Variants in CCDC178 observed in about 807,000 individuals in gnomAD.
The protein encoded by CCDC178 is coiled-coil domain containing 178.
Under a neutral mutation model 117.4 loss-of-function variants are expected in CCDC178, and 126 were observed. The observed-to-expected ratio is 1.07, with a 90% CI of 0.93 to 1.24. The LOEUF (loss-of-function observed/expected upper bound fraction) is 1.24, where lower values mean the gene tolerates loss of function less well. CCDC178 is among the 50% of genes most tolerant of loss of function. The pLI is 0.00. For missense variants in CCDC178, 1,030 were observed against 986.9 expected, an observed-to-expected ratio of 1.04 and a Z score of -0.59; for synonymous variants, 283 against 313.4, an observed-to-expected ratio of 0.90 and a Z score of 1.02.
intron 20 of CCDC178, among the ~76,000 whole-genome samples, chr18:33,191,997 C>T (rs1206383722): frequency 2.0e-5 from 3 of 152,046 alleles, no homozygotes; most frequent in African/African-American, 7.2e-5. Flanking sequence ...ATGATAGAAA[C>T]TGATAATGAA....
intron 11 of CCDC178, among the ~76,000 whole-genome samples, chr18:33,297,696 A>C (rs1265429820): frequency 6.6e-6 from 1 of 152,146 alleles, no homozygotes; most frequent in Non-Finnish European, 1.5e-5. Flanking sequence ...TCTTCCCCCC[A>C]AAAAATCCAG....
At chr18:33,092,144 T>G (rs1301679683) in intron 21 of CCDC178, among the ~76,000 whole-genome samples, 1 of 152,184 alleles carries the variant, frequency 6.6e-6, no homozygotes, top group Non-Finnish European at 1.5e-5. Context: ...AAAATATTTT[T>G]TATTGTTACT....
chr18:33,045,759 T>C (rs1398943028), intron 21 of CCDC178, among the ~76,000 whole-genome samples: 1 of 152,152 alleles, frequency 6.6e-6, no homozygotes, highest in African/African-American at 2.4e-5. Flanking sequence ...TTACCAGTTT[T>C]CCAAATAAAA....
At chr18:33,409,445 C>G (rs185470097) in intron 3 of CCDC178, among the ~76,000 whole-genome samples, 1 of 151,982 alleles carries the variant, frequency 6.6e-6, no homozygotes, top group Non-Finnish European at 1.5e-5. Context: ...ACATCATGAA[C>G]GAAAGAACAT....
chr18:32,999,155 C>T lies in CCDC178; in HGVS notation c.2389-24474G>A, dbSNP rs979053509. On this transcript the variant is annotated intron_variant, in intron 21 of 22. Transcript: ENST00000383096. ...CTGGCAGCATTCACCACAAGCTGAA[C>T]AAAGAGCCCTTGGGCCTTGAGTGAA... Among the ~76,000 whole-genome samples, 3 of 152,086 alleles carry T rather than the reference C, an allele frequency of 2.0e-5. 1 individual carries two copies. The highest frequency in any genetic ancestry group is 4.4e-5 in the Non-Finnish European group (3 of 68,010).
rs913513330 is a variant in CCDC178 at position 33,317,456 on chromosome 18, C to A, written c.1022+6035G>T. 9.9e-5 allele frequency among the ~76,000 whole-genome samples: 15 copies of A among 152,238 alleles called. 1 individual carries two copies. In the Middle Eastern group the frequency reaches 0.01, roughly 104 times the overall value. On this transcript the variant is annotated intron_variant, in intron 11 of 22. Transcript: ENST00000383096. ...AACTGTAACACTCACCGCAAGTGTC[C>A]GCGGCTTCATTCTTGAAGTCAGTGA... is the stretch of plus-strand genomic sequence containing the variant.
intron 6 of CCDC178, among the ~76,000 whole-genome samples, chr18:33,365,456 G>T (rs946865905): frequency 6.6e-6 from 1 of 151,990 alleles, no homozygotes; most frequent in African/African-American, 2.4e-5. Flanking sequence ...ATTAGATCTC[G>T]GGAGAAATCA....
intron 21 of CCDC178, among the ~76,000 whole-genome samples, chr18:33,008,943 C>T (rs1407457944): frequency 6.6e-6 from 1 of 152,062 alleles, no homozygotes; most frequent in East Asian, 1.9e-4. Context: ...ATTACATGTT[C>T]AAAACTGATT....
chr18:33,213,268 C>T lies in CCDC178; in HGVS notation c.2079-1213G>A, dbSNP rs761244716. Among the ~76,000 whole-genome samples, 8 of 151,916 alleles carry T rather than the reference C, an allele frequency of 5.3e-5. No homozygotes were observed. The East Asian group carries it at 1.2e-3, about 22-fold the overall frequency. ...TAAGTACTCATTTTTTTCTGCTCTTCGTTATAGCTGTTATCAGCAAATTTG... is the reference window on the plus strand; with the variant it reads ...TAAGTACTCATTTTTTTCTGCTCTTTGTTATAGCTGTTATCAGCAAATTTG... On this transcript the variant is annotated intron_variant, in intron 19 of 22. Transcript: ENST00000383096.
rs192603947 is a variant in CCDC178 at position 32,955,562 on chromosome 18, T to A, written c.2524-17471A>T. Among the ~76,000 whole-genome samples the A allele has an allele frequency of 1.4e-3, 218 of 152,306 alleles. 2 individuals carry two copies. Among genetic ancestry groups the A allele is most frequent in the Admixed American group, 0.014 (207 of 15,290 alleles). On this transcript the variant is annotated intron_variant, in intron 22 of 22. Transcript: ENST00000383096. ...GTTCATCTTTATATCTGTCTGTATCTTTATAAATGCCTACACAGATATTTG... is the reference window on the plus strand; with the variant it reads ...GTTCATCTTTATATCTGTCTGTATCATTATAAATGCCTACACAGATATTTG...
At position 33,055,882 on chromosome 18, in the gene CCDC178, G is replaced by T. The variant is rs201277504; in HGVS notation, c.2388+36879C>A. Among the ~76,000 whole-genome samples the T allele has an allele frequency of 3.3e-5, 5 of 151,084 alleles. No homozygotes were observed. The East Asian group carries it at 9.8e-4, about 29-fold the overall frequency. ...TGCAGTGGCACCATGTTGGCTCCCT[G>T]CAACCTCCACCTCTGGGTTCAAGTG... On this transcript the variant is annotated intron_variant, in intron 21 of 22. Coordinates refer to ENST00000383096, the MANE Select transcript of CCDC178 (RefSeq NM_001105528.4).
chr18:33,027,089 C>T (rs564079207), intron 21 of CCDC178, among the ~76,000 whole-genome samples: 5 of 151,720 alleles, frequency 3.3e-5, no homozygotes, highest in South Asian at 2.1e-4. Flanking sequence ...TTATACAAAA[C>T]GCAGAAAGAA....
chr18:33,193,323 C>G (rs1196862496), intron 20 of CCDC178, among the ~76,000 whole-genome samples: 2 of 146,250 alleles, frequency 1.4e-5, no homozygotes, highest in Middle Eastern at 3.7e-3. Flanking sequence ...TCTGAGGAAG[C>G]CTTTGAGGGG....
intron 21 of CCDC178, among the ~76,000 whole-genome samples, chr18:33,039,564 C>T (rs1393835349): frequency 2.0e-5 from 3 of 151,872 alleles, no homozygotes; most frequent in Admixed American, 6.6e-5. Flanking sequence ...AAGAGCATGC[C>T]CTCAGAGGAG....
intron 21 of CCDC178, among the ~76,000 whole-genome samples, chr18:33,054,131 TTAGTC>T (rs2056789129): frequency 6.6e-6 from 1 of 152,206 alleles, no homozygotes; most frequent in African/African-American, 2.4e-5. Flanking sequence ...TATTAATACT[TTAGTC>T]TACTACCTAC....
intron 5 of CCDC178, among the ~76,000 whole-genome samples, chr18:33,381,984 T>C (rs1396083886): frequency 6.6e-6 from 1 of 152,166 alleles, no homozygotes; most frequent in Non-Finnish European, 1.5e-5. Flanking sequence ...AATTAATTGG[T>C]TCATAAGTCA....
At chr18:33,065,189 A>C (rs1291488130) in intron 21 of CCDC178, among the ~76,000 whole-genome samples, 1 of 152,192 alleles carries the variant, frequency 6.6e-6, no homozygotes, top group Non-Finnish European at 1.5e-5. Context: ...TCTATTGCAC[A>C]GTAGGGTGAC....
At chr18:33,059,939 C>T (rs1413788533) in intron 21 of CCDC178, among the ~76,000 whole-genome samples, 1 of 152,200 alleles carries the variant, frequency 6.6e-6, no homozygotes, top group Non-Finnish European at 1.5e-5. Flanking sequence ...GTCTCCATGT[C>T]TTTGACTCTC....
intron 21 of CCDC178, among the ~76,000 whole-genome samples, chr18:33,012,950 A>G (rs190929100): frequency 9.9e-5 from 15 of 152,278 alleles, no homozygotes; most frequent in Admixed American, 9.8e-4. Context: ...GAAATATTAT[A>G]TTTTGCAAAT....
Sources: gnomAD v4.1 joint callset for allele counts (sites outside exome capture counted in the v4.1 genomes callset) on GRCh38, gnomAD v4.1.1 for gene constraint, MANE v1.5 for transcripts, NCBI Gene and HGNC (gene_info 2026-07-23, HGNC 2026-07-21) for gene names.